PSMD3: variants seen among roughly 807,000 people sequenced by gnomAD.
PSMD3 encodes 26S proteasome non-ATPase regulatory subunit 3.
PSMD3 carries 5 observed loss-of-function variants against 62.8 expected under a neutral mutation model. The observed-to-expected ratio is 0.08, with a 90% confidence interval of 0.04 to 0.17. The LOEUF is 0.17. Among genes scored for constraint, PSMD3 ranks in the 10% least tolerant of loss-of-function variants. PSMD3 has a pLI of 1.00. For synonymous variants in PSMD3, 265 were observed against 283.9 expected (o/e 0.93, Z 0.67); for missense variants, 524 against 713.6 (o/e 0.73, Z 3.03).
Position 39,997,734 on chromosome 17 carries a change from C to G in PSMD3, c.*153C>G. The G allele has an allele frequency of 3.4e-6, 3 of 881,834 alleles. No homozygotes were observed. The Admixed American group carries it at 6.6e-5, about 19-fold the overall frequency. The allele number at this position is 881,834 out of a possible 1,614,324, so 54.6% of individuals were successfully genotyped here. Reference sequence around the variant, plus strand: ...GGTGCTGGGAGCCAGCCACCCTGACCTCCCCCAGGGCTCCTCCCCAGCCGG... The same window carrying G: ...GGTGCTGGGAGCCAGCCACCCTGACGTCCCCCAGGGCTCCTCCCCAGCCGG... On this transcript the variant is annotated 3_prime_UTR_variant, in exon 12 of 12. Coordinates refer to ENST00000264639, the MANE Select transcript of PSMD3 (RefSeq NM_002809.4).
At chr17:39,989,664 GA>G in intron 4 of PSMD3, 74 bp from the exon 5 acceptor site, 1 of 1,383,846 alleles carries the variant, frequency 7.2e-7, no homozygotes, top group Non-Finnish European at 9.9e-7. Flanking sequence ...AAGGAATTGA[GA>G]AAGAGCGAAG....
At chr17:39,985,501 G>A (rs1980502637) in intron 2 of PSMD3, among the ~76,000 whole-genome samples, 2 of 152,222 alleles carry the variant, frequency 1.3e-5, no homozygotes, top group Admixed American at 1.3e-4. Context: ...CTCTGTAGCT[G>A]TAAACTCTCC....
At chr17:39,993,738 G>A (rs964442212) in intron 6 of PSMD3, 1 of 152,212 alleles carries the variant, frequency 6.6e-6, no homozygotes, top group Non-Finnish European at 1.5e-5. Flanking sequence ...CTCCAGCTCT[G>A]TCCTTCCCTT....
In PSMD3 at chr17:39,997,721, C is replaced by T; in HGVS notation, c.*140C>T. The T allele has an allele frequency of 9.8e-7, 1 of 1,017,356 alleles. No homozygotes were observed. The highest frequency in any genetic ancestry group is 1.5e-6 in the Non-Finnish European group (1 of 688,700). The allele number at this position is 1,017,356 out of a possible 1,614,324, so 63.0% of individuals were successfully genotyped here. A position where few individuals can be genotyped will look rare whatever the true frequency, so the allele number is the denominator to read the frequency against. On this transcript the variant is annotated 3_prime_UTR_variant, in exon 12 of 12. Coordinates refer to ENST00000264639, the MANE Select transcript of PSMD3 (RefSeq NM_002809.4). ...TGCAGGGGGTGGGGGTGCTGGGAGC[C>T]AGCCACCCTGACCTCCCCCAGGGCT...
chr17:39,987,167 A>G (rs193134593), intron 3 of PSMD3, among the ~76,000 whole-genome samples: 2 of 152,346 alleles, frequency 1.3e-5, no homozygotes, highest in Admixed American at 1.3e-4. Context: ...TGATATTTTC[A>G]TAAATGGTAG....
At chr17:39,985,835 T>G (rs1980513324) in intron 2 of PSMD3, among the ~76,000 whole-genome samples, 1 of 152,256 alleles carries the variant, frequency 6.6e-6, no homozygotes, top group Non-Finnish European at 1.5e-5. Context: ...ATGTTGACTT[T>G]CCCTAAATTT....
At chr17:39,984,901 C>G (rs1319502513) in intron 2 of PSMD3, among the ~76,000 whole-genome samples, 1 of 151,252 alleles carries the variant, frequency 6.6e-6, no homozygotes, top group Non-Finnish European at 1.5e-5. Context: ...CCTGTCTTCC[C>G]AGCACTTTGG....
At position 39,996,781 on chromosome 17, in the gene PSMD3, G is replaced by T; in HGVS notation, c.1476+443G>T. Reference sequence around the variant, plus strand: ...GTAAAAAAGATGGCGCTGGTATCTAGCTCCACAAAAGGGTGAGCCCTTATC... The same window carrying T: ...GTAAAAAAGATGGCGCTGGTATCTATCTCCACAAAAGGGTGAGCCCTTATC... On this transcript the variant is annotated intron_variant, in intron 10 of 11. Transcript: ENST00000264639. The surrounding 1 kb of genome is among the most constrained non-coding windows in gnomAD (Gnocchi z 5.1). The T allele has an allele frequency of 2.1e-6, 1 of 465,492 alleles. No homozygotes were observed. Among genetic ancestry groups the T allele is most frequent in the Non-Finnish European group, 4.3e-6 (1 of 233,578 alleles). 28.8% of individuals were successfully genotyped at this position (465,492 alleles called of 1,614,324 possible).
In PSMD3 at chr17:39,995,358, G is replaced by T; in HGVS notation, c.1216+63G>T. The stretch of plus-strand genomic sequence containing the variant: ...AAGCCAGGCCAGGGCAAACCTAGTG[G>T]GTATCCTTGGGCAAGTGAAGGGTCT... On this transcript the variant is annotated intron_variant, in intron 8 of 11. Coordinates refer to ENST00000264639, the MANE Select transcript of PSMD3 (RefSeq NM_002809.4). This position sits in a 1 kb window ranked among gnomAD's most constrained non-coding sequence, Gnocchi z 4.1. The T allele has an allele frequency of 1.2e-6, 2 of 1,613,666 alleles. No homozygotes were observed. Among genetic ancestry groups the T allele is most frequent in the Non-Finnish European group, 8.5e-7 (1 of 1,179,662 alleles).
chr17:39,992,684 C>T (rs1980686413), intron 6 of PSMD3, among the ~76,000 whole-genome samples: 1 of 152,210 alleles, frequency 6.6e-6, no homozygotes, highest in Admixed American at 6.5e-5. Flanking sequence ...TTCCATCACA[C>T]TCCTTCCTCT....
In PSMD3 at chr17:39,997,284, A is replaced by G. The variant is rs192624263; in HGVS notation, c.1477-46A>G. On this transcript the variant is annotated intron_variant, in intron 10 of 11. Coordinates refer to ENST00000264639, the MANE Select transcript of PSMD3 (RefSeq NM_002809.4). ...GGAGTGCAGGTTGCGTGAGTGCCTC[A>G]CCTGCTTCCTTCCCTCGCTCATCTC... is the stretch of plus-strand genomic sequence containing the variant. The G allele has an allele frequency of 8.8e-6, 14 of 1,598,130 alleles. No individual in the cohort carries two copies. The Admixed American group carries it at 2.3e-4, about 27-fold the overall frequency.
chr17:39,996,271 G>A lies in PSMD3; in HGVS notation c.1409G>A (p.Arg470Gln). The A allele has an allele frequency of 1.9e-6, 3 of 1,614,040 alleles. No homozygotes were observed. Among genetic ancestry groups the A allele is most frequent in the Non-Finnish European group, 2.5e-6 (3 of 1,180,010 alleles). Reference protein sequence around the residue: ...SKEMIDIYSTREPQLAFHQRI... With the variant: ...SKEMIDIYSTQEPQLAFHQRI... ...GAGATGATTGACATCTATTCCACCC[G>A]AGAGCCCCAGCTAGCCTTCCACCAG... Residue 470 changes from arginine to glutamine, a missense_variant, in exon 10 of 12, where the codon CGA (arginine) becomes CAA (glutamine). Arg to Gln is a conservative substitution (Grantham distance 43). Coordinates refer to ENST00000264639, the MANE Select transcript of PSMD3 (RefSeq NM_002809.4). This position sits in a 1 kb window ranked among gnomAD's most constrained non-coding sequence, Gnocchi z 5.1.
chr17:39,982,426 A>G (rs545895713), intron 1 of PSMD3, among the ~76,000 whole-genome samples: 1 of 152,348 alleles, frequency 6.6e-6, no homozygotes, highest in South Asian at 2.1e-4. Flanking sequence ...GTTCTCCTAT[A>G]ATTGAGAGCA....
In PSMD3 at chr17:39,996,405, T is replaced by C; in HGVS notation, c.1476+67T>C. On this transcript the variant is annotated intron_variant, in intron 10 of 11. Transcript: ENST00000264639. The surrounding 1 kb of genome is among the most constrained non-coding windows in gnomAD (Gnocchi z 5.1). ...CACCCCTCCCTCCACACTCATGGAT[T>C]CCTCAGAGAAGACTGGCTTAATTTG... 5 of 1,553,990 alleles carry C rather than the reference T, an allele frequency of 3.2e-6. No homozygotes were observed. Among genetic ancestry groups the C allele is most frequent in the Non-Finnish European group, 4.4e-6 (5 of 1,142,072 alleles).
intron 1 of PSMD3, among the ~76,000 whole-genome samples, chr17:39,983,867 T>G (rs988809167): frequency 5.9e-5 from 9 of 152,158 alleles, no homozygotes. Context: ...GCAGAAAAGG[T>G]GAGTGGTCGC....
chr17:39,994,903 T>C, intron 6 of PSMD3, 51 bp from the exon 7 acceptor site: 1 of 1,520,840 alleles, frequency 6.6e-7, no homozygotes, highest in South Asian at 1.1e-5. Flanking sequence ...CATTTTCTTC[T>C]TCCGCCCATG....
intron 11 of PSMD3, 51 bp downstream of exon 11, chr17:39,997,431 A>G (rs747267368): frequency 1.2e-6 from 2 of 1,602,048 alleles, no homozygotes; most frequent in South Asian, 1.1e-5. Context: ...TTCCACACAG[A>G]AGGGGAGTCG....
chr17:39,996,619 T>G lies in PSMD3; in HGVS notation c.1476+281T>G. 1.6e-6 allele frequency: 1 copy of G among 607,708 alleles called. No individual in the cohort carries two copies. The highest frequency in any genetic ancestry group is 1.5e-5 in the South Asian group (1 of 65,958). 37.6% of individuals were successfully genotyped at this position (607,708 alleles called of 1,614,324 possible). A position where few individuals can be genotyped will look rare whatever the true frequency, so the allele number is the denominator to read the frequency against. The stretch of plus-strand genomic sequence containing the variant: ...GGGGTTCTACATTTGGTTCCAAATT[T>G]GAGGCATTTAACTTCTCAAAGCTCT... On this transcript the variant is annotated intron_variant, in intron 10 of 11. Transcript: ENST00000264639. The surrounding 1 kb of genome is among the most constrained non-coding windows in gnomAD (Gnocchi z 5.1).
chr17:39,996,779 T>C lies in PSMD3; in HGVS notation c.1476+441T>C. 1 of 465,148 alleles carries C rather than the reference T, an allele frequency of 2.1e-6. No homozygotes were observed. Among genetic ancestry groups the C allele is most frequent in the Non-Finnish European group, 4.3e-6 (1 of 233,290 alleles). 28.8% of individuals were successfully genotyped at this position (465,148 alleles called of 1,614,324 possible). ...TTGTAAAAAAGATGGCGCTGGTATC[T>C]AGCTCCACAAAAGGGTGAGCCCTTA... On this transcript the variant is annotated intron_variant, in intron 10 of 11. Coordinates refer to ENST00000264639, the MANE Select transcript of PSMD3 (RefSeq NM_002809.4). The surrounding 1 kb of genome is among the most constrained non-coding windows in gnomAD (Gnocchi z 5.1).
Sources: allele counts gnomAD v4.1 joint callset (sites outside exome capture counted in the v4.1 genomes callset), GRCh38; gene constraint gnomAD v4.1.1; non-coding constraint Gnocchi (gnomAD v3.1); transcripts MANE v1.5; gene names NCBI Gene and HGNC (gene_info 2026-07-23, HGNC 2026-07-21).